The following COL19A1 variants were observed in gnomAD, a reference collection of about 807,000 sequenced individuals.
COL19A1 encodes collagen type XIX alpha 1 chain.
Under a neutral mutation model 190.2 loss-of-function variants are expected in COL19A1, and 159 were observed. The observed-to-expected ratio is 0.84, with a 90% CI of 0.73 to 0.95. The LOEUF (loss-of-function observed/expected upper bound fraction) is 0.95, where lower values mean the gene tolerates loss of function less well. Ranked by LOEUF, COL19A1 falls within the 40% of genes least tolerant of loss-of-function variation. The pLI, the probability that COL19A1 is intolerant of heterozygous loss-of-function variation, is 0.00. For synonymous variants in COL19A1, 509 were observed against 458.9 expected, an observed-to-expected ratio of 1.11 and a Z score of -1.39; for missense variants, 1,418 against 1,431.9, an observed-to-expected ratio of 0.99 and a Z score of 0.16.
At chr6:70,152,240 A>G (rs895636713) in intron 31 of COL19A1, among the ~76,000 whole-genome samples, 4 of 152,118 alleles carry the variant, frequency 2.6e-5, no homozygotes, top group African/African-American at 9.7e-5. Context: ...GTACACACAC[A>G]CACGCACACA....
chr6:70,036,276 A>G (rs1047858664), intron 14 of COL19A1, among the ~76,000 whole-genome samples: 18 of 152,260 alleles, frequency 1.2e-4, no homozygotes, highest in Admixed American at 7.8e-4. Flanking sequence ...AATCAGATAC[A>G]GTCCTACTTG....
In COL19A1 at chr6:70,161,895, TC is replaced by T; in HGVS notation, c.2293-3del. 6.2e-7 allele frequency: 1 copy of T among 1,606,142 alleles called. No homozygotes were observed. Among genetic ancestry groups the T allele is most frequent in the Non-Finnish European group, 8.5e-7 (1 of 1,176,454 alleles). On this transcript the variant is annotated splice_region_variant and splice_polypyrimidine_tract_variant and intron_variant, in intron 34 of 50. Transcript: ENST00000620364. ...AGATTTTATGATGGGAACTATCTTT[TC>T]CAGGGTCTTCAAGGAATTCCAGGCA...
intron 9 of COL19A1, among the ~76,000 whole-genome samples, chr6:69,948,435 G>A (rs1773945720): frequency 6.6e-6 from 1 of 151,684 alleles, no homozygotes; most frequent in African/African-American, 2.4e-5. Flanking sequence ...TGACAACCAG[G>A]TGCAAACTGC....
At position 70,079,810 on chromosome 6, in the gene COL19A1, G is replaced by A. The variant is rs1333065588; in HGVS notation, c.1224+11334G>A. On this transcript the variant is annotated intron_variant, in intron 15 of 50. Transcript: ENST00000620364. ...AAAAGCTGAGGTGTAAAGAGAGATGGCATAAGACTACATTGGGAGAGGTCA... is the reference window on the plus strand; with the variant it reads ...AAAAGCTGAGGTGTAAAGAGAGATGACATAAGACTACATTGGGAGAGGTCA... Among the ~76,000 whole-genome samples, 5 of 152,144 alleles carry A rather than the reference G, an allele frequency of 3.3e-5. No homozygotes were observed. In the East Asian group the frequency reaches 5.8e-4, roughly 18 times the overall value.
chr6:70,056,600 G>A (rs956657643), intron 14 of COL19A1, among the ~76,000 whole-genome samples: 2 of 152,084 alleles, frequency 1.3e-5, no homozygotes, highest in African/African-American at 4.8e-5. Context: ...TTGATGTTTA[G>A]ACATTCTTCT....
intron 9 of COL19A1, among the ~76,000 whole-genome samples, chr6:69,939,205 A>G (rs1335423187): frequency 1.3e-5 from 2 of 152,124 alleles, no homozygotes; most frequent in African/African-American, 4.8e-5. Flanking sequence ...TGCTTGGGGT[A>G]CCTTTACTTT....
intron 12 of COL19A1, among the ~76,000 whole-genome samples, chr6:70,026,377 C>T (rs1044581046): frequency 6.6e-6 from 1 of 152,204 alleles, no homozygotes. Flanking sequence ...GTGTGAATGT[C>T]TATCCCTTTG....
In COL19A1 at chr6:70,190,321, G is replaced by T. The variant is rs149406814; in HGVS notation, c.3034G>T (p.Ala1012Ser). ...SPGIPGIPAD[A>S]VSFEEIKKYI... Reference sequence around the variant, plus strand: ...TTTTTTTTTCCTTCTTCAGGCTGATGCAGTTTCATTTGAAGAAATAAAGAA... The same window carrying T: ...TTTTTTTTTCCTTCTTCAGGCTGATTCAGTTTCATTTGAAGAAATAAAGAA... Residue 1012 changes from alanine (A) to serine (S), a missense_variant, in exon 48 of 51, where the codon GCA becomes TCA. Coordinates refer to ENST00000620364, the MANE Select transcript of COL19A1 (RefSeq NM_001858.6). 140 of 1,600,660 alleles carry T rather than the reference G, an allele frequency of 8.7e-5. 1 individual carries two copies. In the African/African-American group the frequency reaches 1.7e-3, roughly 19 times the overall value.
chr6:69,950,706 AC>A (rs1774077407), intron 9 of COL19A1, among the ~76,000 whole-genome samples: 1 of 150,828 alleles, frequency 6.6e-6, no homozygotes, highest in Non-Finnish European at 1.5e-5. Context: ...ACACACACAC[AC>A]ACACACACAT....
chr6:69,904,328 G>T (rs770744329), intron 4 of COL19A1, among the ~76,000 whole-genome samples: 1 of 152,184 alleles, frequency 6.6e-6, no homozygotes, highest in Non-Finnish European at 1.5e-5. Flanking sequence ...TTAGCCACTC[G>T]ATTAATGTGT....
intron 11 of COL19A1, among the ~76,000 whole-genome samples, chr6:69,963,210 A>G (rs1011924236): frequency 2.0e-5 from 3 of 152,218 alleles, no homozygotes; most frequent in Non-Finnish European, 2.9e-5. Context: ...GTTTGTTTTT[A>G]TGTACAACTG....
chr6:69,866,892 G>T (rs1393514060), intron 1 of COL19A1, among the ~76,000 whole-genome samples: 3 of 152,156 alleles, frequency 2.0e-5, no homozygotes, highest in Non-Finnish European at 4.4e-5. Context: ...ATACCATGTA[G>T]TTCGTGTTCC....
chr6:70,089,261 TTG>T (rs1782764280), intron 15 of COL19A1, among the ~76,000 whole-genome samples: 2 of 152,178 alleles, frequency 1.3e-5, no homozygotes, highest in East Asian at 3.8e-4. Context: ...TTCTCAGTTG[TTG>T]GTTTGTCAGC....
chr6:70,112,969 G>A (rs1284894882), intron 16 of COL19A1, among the ~76,000 whole-genome samples: 4 of 152,196 alleles, frequency 2.6e-5, no homozygotes, highest in Non-Finnish European at 5.9e-5. Context: ...TGTCCAAAGT[G>A]GCAGATGTGA....
intron 12 of COL19A1, among the ~76,000 whole-genome samples, chr6:70,024,608 TGTGTGTGGGTGTGTGG>T (rs1182741340): frequency 2.0e-5 from 3 of 148,562 alleles, no homozygotes; most frequent in Non-Finnish European, 3.0e-5. Context: ...TGTGTGTGTG[TGTGTGTGGGTGTGTGG>T]GTGTGTGTGT....
At chr6:69,920,998 A>G (rs5025297) in intron 4 of COL19A1, among the ~76,000 whole-genome samples, 185 of 7,126 alleles carry the variant, frequency 0.026, 1 homozygote, top group Middle Eastern at 0.12. Context: ...ATATTCATAT[A>G]TATATCATAT....
In COL19A1 at chr6:70,059,068, T is replaced by A. The variant is rs540022252; in HGVS notation, c.1171-9355T>A. On this transcript the variant is annotated intron_variant, in intron 14 of 50. Coordinates refer to ENST00000620364, the MANE Select transcript of COL19A1 (RefSeq NM_001858.6). ...CAGATAAATTCTGTTTTCCATTTTA[T>A]TTTCATACATTCTATTTGAAACACA... Among the ~76,000 whole-genome samples the A allele has an allele frequency of 5.8e-4, 88 of 152,222 alleles. 1 individual carries two copies. Among genetic ancestry groups the A allele is most frequent in the Admixed American group, 1.9e-3 (29 of 15,276 alleles).
At chr6:70,062,379 A>G (rs879353810) in intron 14 of COL19A1, among the ~76,000 whole-genome samples, 24 of 152,128 alleles carry the variant, frequency 1.6e-4, no homozygotes, top group South Asian at 4.1e-4. Context: ...TTAAGCATGT[A>G]TGACATTCAT....
intron 48 of COL19A1, among the ~76,000 whole-genome samples, chr6:70,196,914 A>G (rs1437269357): frequency 6.6e-6 from 1 of 152,180 alleles, no homozygotes; most frequent in African/African-American, 2.4e-5. Context: ...CAGAAGAGGT[A>G]ATTACCCTTA....
Sources: allele counts gnomAD v4.1 joint callset (sites outside exome capture counted in the v4.1 genomes callset), GRCh38; gene constraint gnomAD v4.1.1; transcripts MANE v1.5; gene names NCBI Gene and HGNC (gene_info 2026-07-23, HGNC 2026-07-21).